The following EYS variants were observed in gnomAD, a reference collection of about 807,000 sequenced individuals.
The protein encoded by EYS is protein eyes shut homolog.
In EYS, 250 loss-of-function variants were observed where a neutral mutation model predicts 282.1. The ratio of observed to expected loss-of-function variants is 0.89; its 90% CI spans 0.80 to 0.98. The LOEUF is 0.98. Ranked by LOEUF, EYS falls within the 50% of genes least tolerant of loss-of-function variation. The pLI is 0.00. For missense variants in EYS, 4,016 were observed against 3,709.0 expected, an observed-to-expected ratio of 1.08 and a Z score of -2.15; for synonymous variants, 1,355 against 1,282.9, an observed-to-expected ratio of 1.06 and a Z score of -1.20.
At chr6:64,584,795 TTTAACGATGC>T (rs1387238668) in intron 26 of EYS, among the ~76,000 whole-genome samples, 5 of 152,154 alleles carry the variant, frequency 3.3e-5, no homozygotes, top group Non-Finnish European at 2.9e-5. Flanking sequence ...ATATATTTTC[TTTAACGATGC>T]TTAAGATCAT....
chr6:64,040,407 C>T (rs1395702010), intron 33 of EYS, among the ~76,000 whole-genome samples: 2 of 152,066 alleles, frequency 1.3e-5, no homozygotes, highest in Non-Finnish European at 2.9e-5. Context: ...TAACTCATTG[C>T]TTCTGAAAAT....
intron 2 of EYS, among the ~76,000 whole-genome samples, chr6:65,548,882 C>T (rs1300257846): frequency 1.3e-5 from 2 of 152,178 alleles, no homozygotes; most frequent in Non-Finnish European, 2.9e-5. Context: ...TTCTGTAGCA[C>T]AGTGGTTCCC....
Position 64,747,123 on chromosome 6 carries a change from G to A in EYS, c.3443+66255C>T, listed in dbSNP as rs1026470999. ...CATACTTTTAAGTTAGTTTTTGTGA[G>A]TGTAAACTTATAACTGGATGATGAA... On this transcript the variant is annotated intron_variant, in intron 22 of 42. Coordinates refer to ENST00000503581, the MANE Select transcript of EYS (RefSeq NM_001142800.2). Among the ~76,000 whole-genome samples the A allele has an allele frequency of 5.3e-5, 8 of 152,186 alleles. No homozygotes were observed. In the East Asian group the frequency reaches 7.7e-4, roughly 15 times the overall value.
chr6:65,297,962 G>A (rs1484553640), intron 11 of EYS, among the ~76,000 whole-genome samples: 3 of 152,038 alleles, frequency 2.0e-5, no homozygotes, highest in Non-Finnish European at 4.4e-5. Flanking sequence ...GGGGCCCTAT[G>A]TATAATGCCA....
intron 18 of EYS, among the ~76,000 whole-genome samples, chr6:64,899,253 C>T (rs1767572572): frequency 6.6e-6 from 1 of 152,134 alleles, no homozygotes; most frequent in African/African-American, 2.4e-5. Flanking sequence ...TCATAACAGT[C>T]TCTCAGACCA....
chr6:65,367,752 C>T (rs1475407528), intron 8 of EYS, among the ~76,000 whole-genome samples: 3 of 151,644 alleles, frequency 2.0e-5, no homozygotes, highest in Non-Finnish European at 4.4e-5. Flanking sequence ...TATTAGAGGT[C>T]TCCCTTAAAC....
At chr6:65,019,129 G>C (rs1772159411) in intron 13 of EYS, among the ~76,000 whole-genome samples, 1 of 152,114 alleles carries the variant, frequency 6.6e-6, no homozygotes, top group Admixed American at 6.5e-5. Flanking sequence ...ATATGGTTTA[G>C]ATTAAGATAA....
intron 2 of EYS, among the ~76,000 whole-genome samples, chr6:65,519,710 T>TATATATATA (rs547637518): frequency 3.2e-4 from 9 of 27,996 alleles, no homozygotes; most frequent in South Asian, 2.5e-3. Flanking sequence ...ATATATATAT[T>TATATATATA]TTTTTTTTTT....
At chr6:64,265,586 A>G (rs1053105328) in intron 30 of EYS, among the ~76,000 whole-genome samples, 1 of 152,300 alleles carries the variant, frequency 6.6e-6, no homozygotes, top group South Asian at 2.1e-4. Flanking sequence ...GGTAGTGATC[A>G]GAAATTGAGA....
intron 22 of EYS, among the ~76,000 whole-genome samples, chr6:64,782,406 A>G (rs951277735): frequency 2.6e-5 from 4 of 152,222 alleles, no homozygotes; most frequent in African/African-American, 9.6e-5. Flanking sequence ...CGAAATTTTC[A>G]TGAATATTAA....
At chr6:64,880,990 C>T (rs1766900413) in intron 19 of EYS, among the ~76,000 whole-genome samples, 1 of 151,018 alleles carries the variant, frequency 6.6e-6, no homozygotes, top group African/African-American at 2.4e-5. Context: ...GAGTTAAATC[C>T]TCCAACCCTT....
At chr6:64,056,199 A>G (rs1770977759) in intron 33 of EYS, among the ~76,000 whole-genome samples, 1 of 152,178 alleles carries the variant, frequency 6.6e-6, no homozygotes, top group African/African-American at 2.4e-5. Context: ...AACTTTGTGC[A>G]TGCAAATCTC....
At chr6:64,430,045 C>T (rs1774528332) in intron 28 of EYS, among the ~76,000 whole-genome samples, 1 of 152,136 alleles carries the variant, frequency 6.6e-6, no homozygotes, top group African/African-American at 2.4e-5. Flanking sequence ...TTTGGTTCCA[C>T]TTCACTGATT....
At chr6:64,085,966 T>A (rs192488844) in intron 31 of EYS, among the ~76,000 whole-genome samples, 66 of 152,346 alleles carry the variant, frequency 4.3e-4, no homozygotes, top group African/African-American at 1.5e-3. Context: ...CCGTCATTTT[T>A]ATTAAAACTT....
chr6:64,763,587 C>T (rs1483778175), intron 22 of EYS, among the ~76,000 whole-genome samples: 2 of 152,074 alleles, frequency 1.3e-5, no homozygotes, highest in Admixed American at 1.3e-4. Context: ...ATTATTCCAA[C>T]CCTGGCCCCT....
At chr6:63,806,436 T>G (rs1562035268) in intron 36 of EYS, 64 bp from the exon 37 acceptor site, 2 of 1,378,004 alleles carry the variant, frequency 1.5e-6, no homozygotes, top group East Asian at 5.1e-5. Flanking sequence ...AAGTGAGGGT[T>G]ACGTTTTGCT....
chr6:65,665,955 A>G (rs943701362), intron 1 of EYS, among the ~76,000 whole-genome samples: 2 of 151,966 alleles, frequency 1.3e-5, no homozygotes, highest in African/African-American at 2.4e-5. Context: ...ATGGTTTCCA[A>G]TTCAAAACAT....
In EYS at chr6:65,699,699, G is replaced by C. The variant is rs574281819; in HGVS notation, c.-448+7436C>G. Among the ~76,000 whole-genome samples the C allele has an allele frequency of 4.1e-4, 63 of 152,308 alleles. 1 individual carries two copies. The highest frequency in any genetic ancestry group is 1.4e-3 in the African/African-American group (60 of 41,572). ...TTCTGTAAAATGACAGGAAGCCCAAGTGCTGGAATGACTGGACAAAGGAGG... is the reference window on the plus strand; with the variant it reads ...TTCTGTAAAATGACAGGAAGCCCAACTGCTGGAATGACTGGACAAAGGAGG... On this transcript the variant is annotated intron_variant, in intron 1 of 42. Transcript: ENST00000503581.
intron 41 of EYS, among the ~76,000 whole-genome samples, chr6:63,752,409 G>A (rs147455245): frequency 1.3e-5 from 2 of 151,516 alleles, no homozygotes; most frequent in African/African-American, 4.8e-5. Context: ...CCTTTATTGT[G>A]TGTCAGTATA....
Sources: gnomAD v4.1 joint callset for allele counts (sites outside exome capture counted in the v4.1 genomes callset) on GRCh38, gnomAD v4.1.1 for gene constraint, MANE v1.5 for transcripts, NCBI Gene and HGNC (gene_info 2026-07-23, HGNC 2026-07-21) for gene names.